Variants in GASK1A observed in about 807,000 individuals in gnomAD.
The protein encoded by GASK1A is Golgi-associated kinase 1A.
Under a neutral mutation model 41.2 loss-of-function variants are expected in GASK1A, and 40 were observed. That is an observed-to-expected ratio of 0.97 (90% CI 0.75 to 1.27). The LOEUF (loss-of-function observed/expected upper bound fraction) is 1.27, where lower values mean the gene tolerates loss of function less well. Ranked by LOEUF, GASK1A falls within the 50% of genes most tolerant of loss-of-function variation. GASK1A has a pLI of 0.00. For missense variants in GASK1A, 678 were observed against 745.1 expected, an observed-to-expected ratio of 0.91 and a Z score of 1.05; for synonymous variants, 316 against 307.1, an observed-to-expected ratio of 1.03 and a Z score of -0.30.
Position 43,055,554 on chromosome 3 carries a change from G to A in GASK1A, c.1517+19G>A. The A allele has an allele frequency of 6.5e-7, 1 of 1,533,116 alleles. No homozygotes were observed. The highest frequency in any genetic ancestry group is 8.8e-7 in the Non-Finnish European group (1 of 1,130,128). The allele number at this position is 1,533,116 out of a possible 1,614,324, so 95.0% of individuals were successfully genotyped here. ...TAGATGGGTGAGGGTCAAAAGGGTTGGGTGGAAGTTCATGGGACTGAGACC... is the reference window on the plus strand; with the variant it reads ...TAGATGGGTGAGGGTCAAAAGGGTTAGGTGGAAGTTCATGGGACTGAGACC... On this transcript the variant is annotated intron_variant, in intron 4 of 4. Coordinates refer to ENST00000430121, the MANE Select transcript of GASK1A (RefSeq NM_001129908.3).
In GASK1A at chr3:43,037,421, G is replaced by A. The variant is rs191570467; in HGVS notation, c.1290+3868G>A. ...GCCCTTGCCACACAGAAGCTGCTCT[G>A]GAGGCAGCTGTCTTAAATAAAGAAG... On this transcript the variant is annotated intron_variant, in intron 2 of 4. Transcript: ENST00000430121. 51 of 896,572 alleles carry A rather than the reference G, an allele frequency of 5.7e-5. No homozygotes were observed. The East Asian group carries it at 9.5e-4, about 17-fold the overall frequency. 55.5% of individuals were successfully genotyped at this position (896,572 alleles called of 1,614,324 possible). A position where few individuals can be genotyped will look rare whatever the true frequency, so the allele number is the denominator to read the frequency against.
At chr3:42,992,137 A>G (rs1470779877) in intron 1 of GASK1A, among the ~76,000 whole-genome samples, 1 of 152,066 alleles carries the variant, frequency 6.6e-6, no homozygotes, top group African/African-American at 2.4e-5. Context: ...TTGTGTAGTC[A>G]CTTCGCTGGG....
intron 1 of GASK1A, among the ~76,000 whole-genome samples, chr3:42,985,414 TCATTCATTCATC>T (rs1424880975): frequency 6.6e-6 from 1 of 152,230 alleles, no homozygotes; most frequent in Non-Finnish European, 1.5e-5. Context: ...GTCTTGTCAT[TCATTCATTCATC>T]CATTCATTTA....
chr3:43,022,326 C>A (rs185384372), intron 1 of GASK1A, among the ~76,000 whole-genome samples: 28 of 152,208 alleles, frequency 1.8e-4, no homozygotes, highest in African/African-American at 6.5e-4. Flanking sequence ...CACAACTGCA[C>A]AACTGCCAAC....
chr3:43,032,188 C>A, intron 1 of GASK1A, 79 bp from the exon 2 acceptor site: 1 of 1,175,972 alleles, frequency 8.5e-7, no homozygotes, highest in Non-Finnish European at 1.2e-6. Context: ...ACCTCATTTG[C>A]TTACCATCCC....
At chr3:43,038,161 ACT>A (rs2089614339) in intron 2 of GASK1A, among the ~76,000 whole-genome samples, 1 of 152,178 alleles carries the variant, frequency 6.6e-6, no homozygotes, top group South Asian at 2.1e-4. Context: ...ACTTTTCGTG[ACT>A]CACACCATGC....
At chr3:43,002,181 C>G (rs1264816016) in intron 1 of GASK1A, among the ~76,000 whole-genome samples, 2 of 152,166 alleles carry the variant, frequency 1.3e-5, no homozygotes, top group Admixed American at 6.5e-5. Context: ...TTTCTCAAGA[C>G]AAACCGACAG....
chr3:42,987,916 T>C (rs2089320623), intron 1 of GASK1A, among the ~76,000 whole-genome samples: 2 of 139,554 alleles, frequency 1.4e-5, no homozygotes, highest in Admixed American at 1.6e-4. Flanking sequence ...GGAGAGTCCT[T>C]TGAATCCAGG....
At chr3:43,006,987 A>G (rs1394224058) in intron 1 of GASK1A, among the ~76,000 whole-genome samples, 1 of 151,766 alleles carries the variant, frequency 6.6e-6, no homozygotes, top group African/African-American at 2.4e-5. Context: ...ACCCCTCAGT[A>G]TCACACACCT....
At chr3:43,056,101 C>A in intron 4 of GASK1A, 75 bp from the exon 5 acceptor site, 5 of 1,214,416 alleles carry the variant, frequency 4.1e-6, no homozygotes, top group Non-Finnish European at 4.6e-6. Flanking sequence ...CATCTGGCAT[C>A]ACCTGTTACT....
intron 1 of GASK1A, among the ~76,000 whole-genome samples, chr3:43,022,269 C>G (rs2089526078): frequency 6.6e-6 from 1 of 152,154 alleles, no homozygotes; most frequent in South Asian, 2.1e-4. Flanking sequence ...ACTTGGGTGG[C>G]CCTCCCTGGG....
intron 1 of GASK1A, among the ~76,000 whole-genome samples, chr3:43,005,661 A>G (rs1198078899): frequency 6.6e-6 from 1 of 152,206 alleles, no homozygotes; most frequent in Non-Finnish European, 1.5e-5. Flanking sequence ...GCTTCATTTA[A>G]GTGAGAAGAT....
At chr3:43,028,910 C>T (rs1203717433) in intron 1 of GASK1A, among the ~76,000 whole-genome samples, 2 of 152,058 alleles carry the variant, frequency 1.3e-5, no homozygotes, top group Non-Finnish European at 2.9e-5. Flanking sequence ...TGGTCACCAC[C>T]CCACCCCTTC....
chr3:43,020,229 C>T (rs779690866), intron 1 of GASK1A, among the ~76,000 whole-genome samples: 8 of 152,176 alleles, frequency 5.3e-5, no homozygotes, highest in Non-Finnish European at 7.3e-5. Flanking sequence ...CTCCTGCTGC[C>T]TATTACAGTA....
chr3:42,999,409 G>C (rs545110816), intron 1 of GASK1A, among the ~76,000 whole-genome samples: 1 of 152,322 alleles, frequency 6.6e-6, no homozygotes, highest in East Asian at 1.9e-4. Flanking sequence ...CCTGGGTCTA[G>C]CTGTCAACCC....
chr3:43,003,256 A>G (rs2089419067), intron 1 of GASK1A, among the ~76,000 whole-genome samples: 1 of 152,184 alleles, frequency 6.6e-6, no homozygotes, highest in Non-Finnish European at 1.5e-5. Flanking sequence ...GCACTTTGGG[A>G]GGCCAAGGCA....
chr3:43,017,230 A>G (rs2089496434), intron 1 of GASK1A, among the ~76,000 whole-genome samples: 1 of 149,338 alleles, frequency 6.7e-6, no homozygotes, highest in Non-Finnish European at 1.5e-5. Context: ...GGATAGTGTG[A>G]AATCACATGA....
At chr3:42,988,437 C>T (rs1003764779) in intron 1 of GASK1A, among the ~76,000 whole-genome samples, 1 of 152,078 alleles carries the variant, frequency 6.6e-6, no homozygotes, top group African/African-American at 2.4e-5. Flanking sequence ...GGGATTTTTC[C>T]AGAAATGCCA....
chr3:43,007,914 T>TTTTAAA (rs1575439617), intron 1 of GASK1A, among the ~76,000 whole-genome samples: 1 of 152,240 alleles, frequency 6.6e-6, no homozygotes, highest in East Asian at 1.9e-4. Context: ...CTTGGTTGGC[T>TTTTAAA]TTTAAAGCAA....
Sources: allele counts gnomAD v4.1 joint callset (sites outside exome capture counted in the v4.1 genomes callset), GRCh38; gene constraint gnomAD v4.1.1; transcripts MANE v1.5; gene names NCBI Gene and HGNC (gene_info 2026-07-23, HGNC 2026-07-21).